Variants in PHLDB2 observed in about 807,000 individuals in gnomAD.
PHLDB2 encodes pleckstrin homology like domain family B member 2.
A neutral mutation model predicts 123.6 loss-of-function variants in PHLDB2; 71 were observed. That is an observed-to-expected ratio of 0.57 (90% CI 0.47 to 0.70). The LOEUF is 0.70. Among genes scored for constraint, PHLDB2 ranks in the 30% least tolerant of loss-of-function variants. The pLI is 0.00. For synonymous variants in PHLDB2, 547 were observed against 541.6 expected, an observed-to-expected ratio of 1.01 and a Z score of -0.14; for missense variants, 1,446 against 1,519.5, an observed-to-expected ratio of 0.95 and a Z score of 0.80.
Position 111,967,785 on chromosome 3 carries a change from A to G in PHLDB2, c.3276A>G (p.Ile1092Met). ...QEETSQRQKL[I>M]EKEVKIRERQ... ...AAACTAGCCAGAGGCAGAAGTTAAT[A>G]GAAAAGGAAGTAAAAATAAGGGAGA... The change falls in exon 15 of 18, where the codon ATA becomes ATG. Residue 1092 changes from isoleucine to methionine, a missense_variant. By Grantham distance (10) the Ile-to-Met change is conservative. Coordinates refer to ENST00000431670, the MANE Select transcript of PHLDB2 (RefSeq NM_001134438.2). 6.2e-7 allele frequency: 1 copy of G among 1,612,170 alleles called. No homozygotes were observed. Among genetic ancestry groups the G allele is most frequent in the Non-Finnish European group, 8.5e-7 (1 of 1,179,396 alleles).
At chr3:111,945,515 T>G (rs1040630513) in intron 9 of PHLDB2, 158 bp downstream of exon 9, 1 of 662,766 alleles carries the variant, frequency 1.5e-6, no homozygotes, top group Middle Eastern at 3.5e-4. Context: ...TATGTATGCT[T>G]TGAGGATTTC....
intron 1 of PHLDB2, among the ~76,000 whole-genome samples, chr3:111,829,867 G>GT (rs552138950): frequency 8.1e-4 from 117 of 144,232 alleles, no homozygotes; most frequent in Non-Finnish European, 1.6e-3. Flanking sequence ...ACTTTTTTTT[G>GT]TTTTTTTTAT....
intron 1 of PHLDB2, among the ~76,000 whole-genome samples, chr3:111,871,851 G>A (rs1313745885): frequency 6.6e-6 from 1 of 152,176 alleles, no homozygotes; most frequent in East Asian, 1.9e-4. Context: ...TACCAGAATT[G>A]TACCAAAGAG....
At chr3:111,852,617 T>C (rs904555828) in intron 2 of PHLDB2, among the ~76,000 whole-genome samples, 2 of 152,086 alleles carry the variant, frequency 1.3e-5, no homozygotes, top group African/African-American at 4.8e-5. Context: ...GGTTTCTTTT[T>C]TCCATGATAA....
chr3:111,834,203 A>ATATATATATTATGTATAT (rs1559858160), intron 1 of PHLDB2, among the ~76,000 whole-genome samples: 1 of 44,274 alleles, frequency 2.3e-5, no homozygotes, highest in African/African-American at 8.4e-5. Context: ...TAATAGAATT[A>ATATATATATTATGTATAT]TATATGTAAT....
At chr3:111,973,198 A>G (rs1003791325) in intron 16 of PHLDB2, among the ~76,000 whole-genome samples, 8 of 151,866 alleles carry the variant, frequency 5.3e-5, no homozygotes, top group African/African-American at 1.9e-4. Context: ...TGTTGCATTG[A>G]AAGGACAATA....
intron 1 of PHLDB2, among the ~76,000 whole-genome samples, chr3:111,836,094 A>G (rs57913981): frequency 0.16 from 25,058 of 152,108 alleles, 4,333 homozygotes; most frequent in African/African-American, 0.42. Context: ...GTCCTTTCAG[A>G]GAAAGATAAT....
intron 1 of PHLDB2, among the ~76,000 whole-genome samples, chr3:111,751,732 A>ATC (rs1198862256): frequency 1.3e-5 from 2 of 151,822 alleles, no homozygotes; most frequent in African/African-American, 2.4e-5. Context: ...AGATATACCT[A>ATC]ATGCTAAATG....
At chr3:111,946,710 A>T (rs1414996396) in intron 9 of PHLDB2, among the ~76,000 whole-genome samples, 3 of 152,224 alleles carry the variant, frequency 2.0e-5, no homozygotes, top group Non-Finnish European at 2.9e-5. Flanking sequence ...TTAAAGAAAT[A>T]TGGTCTACTG....
chr3:111,834,362 A>G lies in PHLDB2; in HGVS notation c.-48-11459A>G, dbSNP rs1576812892. Among the ~76,000 whole-genome samples, 4 of 143,074 alleles carry G rather than the reference A, an allele frequency of 2.8e-5. No individual in the cohort carries two copies. The East Asian group carries it at 8.2e-4, about 29-fold the overall frequency. The allele number at this position is 143,074 out of a possible 152,430, so 93.9% of individuals were successfully genotyped here. ...TATAATATATATATCAGATGACTAT[A>G]TATATAGTCATCTGATTTTTATATA... On this transcript the variant is annotated intron_variant, in intron 1 of 17. Coordinates refer to the PHLDB2 transcript ENST00000393923.
chr3:111,832,712 TAATATATATAATAGA>T (rs2063122073), intron 1 of PHLDB2, among the ~76,000 whole-genome samples: 1 of 80,860 alleles, frequency 1.2e-5, no homozygotes, highest in Non-Finnish European at 2.1e-5. Flanking sequence ...ATTATACATA[TAATATATATAATAGA>T]ATTATACATA....
intron 5 of PHLDB2, among the ~76,000 whole-genome samples, chr3:111,926,259 C>CT (rs899836415): frequency 2.0e-5 from 3 of 152,172 alleles, no homozygotes; most frequent in Non-Finnish European, 2.9e-5. Context: ...ATGGTTAAAT[C>CT]TTTTTTCCCA....
intron 14 of PHLDB2, 85 bp from the exon 15 acceptor site, chr3:111,967,592 TA>T: frequency 7.3e-7 from 1 of 1,364,948 alleles, no homozygotes; most frequent in Non-Finnish European, 9.7e-7. Context: ...ATTTGTCTAG[TA>T]AGAATTGTCT....
At chr3:111,825,283 T>A (rs1240097677) in intron 1 of PHLDB2, among the ~76,000 whole-genome samples, 2 of 152,238 alleles carry the variant, frequency 1.3e-5, no homozygotes, top group African/African-American at 4.8e-5. Context: ...TTTGGTGATA[T>A]ATGAAGATTA....
At chr3:111,895,927 G>A (rs1171364002) in intron 2 of PHLDB2, among the ~76,000 whole-genome samples, 1 of 151,712 alleles carries the variant, frequency 6.6e-6, no homozygotes, top group Admixed American at 6.6e-5. Context: ...AAGTGAAGGA[G>A]GACTATTGAT....
At chr3:111,834,133 A>T (rs62635974) in intron 1 of PHLDB2, among the ~76,000 whole-genome samples, 3,473 of 17,336 alleles carry the variant, frequency 0.2, 296 homozygotes, top group Non-Finnish European at 0.28. Context: ...TTATATATAT[A>T]TTATATGTAA....
chr3:111,809,182 A>G (rs898178870), intron 1 of PHLDB2, among the ~76,000 whole-genome samples: 1 of 152,206 alleles, frequency 6.6e-6, no homozygotes, highest in Non-Finnish European at 1.5e-5. Flanking sequence ...ATTAATCATT[A>G]CCTGGTGAAA....
intron 12 of PHLDB2, among the ~76,000 whole-genome samples, chr3:111,959,460 T>C (rs964632742): frequency 7.9e-5 from 12 of 152,378 alleles, no homozygotes; most frequent in African/African-American, 2.9e-4. Flanking sequence ...ATGCTTATTA[T>C]TGGCCTCATG....
chr3:111,897,118 A>G lies in PHLDB2; in HGVS notation c.1335+11706A>G, dbSNP rs567288710. On this transcript the variant is annotated intron_variant, in intron 2 of 17. Coordinates refer to ENST00000431670, the MANE Select transcript of PHLDB2 (RefSeq NM_001134438.2). ...CCAGCTTCCCTTCTCCTTAACCCCCATAACCACTGATTTCTTCTCCATTTC... is the reference window on the plus strand; with the variant it reads ...CCAGCTTCCCTTCTCCTTAACCCCCGTAACCACTGATTTCTTCTCCATTTC... 3.3e-5 allele frequency among the ~76,000 whole-genome samples: 5 copies of G among 152,292 alleles called. No individual in the cohort carries two copies. In the South Asian group the frequency reaches 1.0e-3, roughly 32 times the overall value.
Sources: gnomAD v4.1 joint callset for allele counts (sites outside exome capture counted in the v4.1 genomes callset) on GRCh38, gnomAD v4.1.1 for gene constraint, MANE v1.5 for transcripts, NCBI Gene and HGNC (gene_info 2026-07-23, HGNC 2026-07-21) for gene names.